RDX: variants seen among roughly 807,000 people sequenced by gnomAD.
RDX encodes deafness, autosomal recessive 24.
Under a neutral mutation model 83.7 loss-of-function variants are expected in RDX, and 32 were observed. The observed-to-expected ratio is 0.38, with a 90% CI of 0.29 to 0.51. The LOEUF (loss-of-function observed/expected upper bound fraction) is 0.51. Ranked by LOEUF, RDX falls within the 20% of genes least tolerant of loss-of-function variation. The probability of loss-of-function intolerance (pLI) is 0.87; values close to 1 mark genes in which losing one functional copy is unlikely to be tolerated. For missense variants in RDX, 600 were observed against 689.9 expected, an observed-to-expected ratio of 0.87 and a Z score of 1.46; for synonymous variants, 229 against 222.7, an observed-to-expected ratio of 1.03 and a Z score of -0.25.
At chr11:110,203,152 T>C (rs1863475945) in intron 14 of RDX, among the ~76,000 whole-genome samples, 1 of 152,186 alleles carries the variant, frequency 6.6e-6, no homozygotes, top group African/African-American at 2.4e-5. Context: ...ATGTGGTACT[T>C]GCATACAATG....
intron 14 of RDX, among the ~76,000 whole-genome samples, chr11:110,204,226 G>C (rs1863519837): frequency 6.6e-6 from 1 of 150,424 alleles, no homozygotes; most frequent in Non-Finnish European, 1.5e-5. Flanking sequence ...ATTAGAAACG[G>C]TGAGAATGAA....
chr11:110,279,517 C>T (rs1213997494), intron 2 of RDX, among the ~76,000 whole-genome samples, 164 bp downstream of exon 2: 2 of 152,202 alleles, frequency 1.3e-5, no homozygotes, highest in East Asian at 3.8e-4. Flanking sequence ...CAGAGCAACA[C>T]TGTGTTTCTA....
intron 5 of RDX, among the ~76,000 whole-genome samples, chr11:110,258,576 A>T (rs745971496): frequency 2.0e-5 from 3 of 152,180 alleles, no homozygotes; most frequent in Admixed American, 2.0e-4. Context: ...CTTGCTCCAT[A>T]AAGTGATTAC....
At chr11:110,296,081 G>A (rs914615043) in intron 1 of RDX, among the ~76,000 whole-genome samples, 12 of 152,230 alleles carry the variant, frequency 7.9e-5, no homozygotes, top group Non-Finnish European at 1.8e-4. Flanking sequence ...GCCCGGGCCC[G>A]GGGCCCAGTC....
intron 12 of RDX, 32 bp from the exon 13 acceptor site, chr11:110,233,511 T>C: frequency 6.2e-7 from 1 of 1,611,810 alleles, no homozygotes. Context: ...ATGAGCAACT[T>C]ACTTCAAAAA....
chr11:110,224,387 A>G (rs1387433105), intron 14 of RDX, among the ~76,000 whole-genome samples: 1 of 152,232 alleles, frequency 6.6e-6, no homozygotes, highest in African/African-American at 2.4e-5. Flanking sequence ...TCAAACATAC[A>G]CAGATATTAA....
intron 11 of RDX, among the ~76,000 whole-genome samples, chr11:110,236,876 T>G (rs1864874247): frequency 6.6e-6 from 1 of 152,112 alleles, no homozygotes; most frequent in South Asian, 2.1e-4. Context: ...TGCCTCGGCC[T>G]CCCAAAATGC....
chr11:110,243,257 A>G (rs764155880), intron 10 of RDX, among the ~76,000 whole-genome samples: 1 of 152,226 alleles, frequency 6.6e-6, no homozygotes, highest in Non-Finnish European at 1.5e-5. Flanking sequence ...CCTGAAATCT[A>G]AAACACTGTG....
chr11:110,214,942 GTAAC>G (rs753399229), intron 14 of RDX, among the ~76,000 whole-genome samples: 13 of 145,338 alleles, frequency 8.9e-5, no homozygotes, highest in Admixed American at 2.1e-4. Flanking sequence ...GTATACATAT[GTAAC>G]TAACCTGCAC....
intron 1 of RDX, among the ~76,000 whole-genome samples, chr11:110,294,762 C>A (rs1202022079): frequency 6.6e-6 from 1 of 151,932 alleles, no homozygotes; most frequent in Non-Finnish European, 1.5e-5. Context: ...ATTTTCCCTA[C>A]ACCCAAATTA....
chr11:110,256,667 G>A (rs1565318169), intron 7 of RDX, among the ~76,000 whole-genome samples: 1 of 152,154 alleles, frequency 6.6e-6, no homozygotes, highest in African/African-American at 2.4e-5. Context: ...TAGAGGCCAG[G>A]AGTTCAAGAC....
intron 12 of RDX, among the ~76,000 whole-genome samples, chr11:110,234,109 G>C (rs1299642724): frequency 6.6e-6 from 1 of 152,102 alleles, no homozygotes; most frequent in African/African-American, 2.4e-5. Flanking sequence ...AAGTACTCCA[G>C]TTTAGATGTT....
At chr11:110,221,648 A>C (rs899463900) in intron 14 of RDX, among the ~76,000 whole-genome samples, 10 of 149,924 alleles carry the variant, frequency 6.7e-5, no homozygotes, top group East Asian at 2.0e-4. Flanking sequence ...ACACACACGA[A>C]GATCAAAGTT....
intron 14 of RDX, among the ~76,000 whole-genome samples, chr11:110,222,977 G>C (rs138299328): frequency 4.1e-4 from 63 of 152,262 alleles, no homozygotes; most frequent in African/African-American, 1.5e-3. Flanking sequence ...AAATATTAAT[G>C]GGATTAAAAA....
intron 2 of RDX, among the ~76,000 whole-genome samples, chr11:110,275,415 A>T (rs1860472581): frequency 6.6e-6 from 1 of 152,194 alleles, no homozygotes; most frequent in Admixed American, 6.5e-5. Context: ...ACATCATCCC[A>T]GATTTCTAAC....
chr11:110,239,113 T>C (rs1864979414), intron 10 of RDX, among the ~76,000 whole-genome samples: 1 of 151,780 alleles, frequency 6.6e-6, no homozygotes, highest in Non-Finnish European at 1.5e-5. Context: ...ACATCATCTC[T>C]TCTTAAAAAC....
chr11:110,231,872 C>T lies in RDX; in HGVS notation c.1749G>A (p.Met583Ile). 6.2e-7 allele frequency: 1 copy of T among 1,612,460 alleles called. No individual in the cohort carries two copies. The highest frequency in any genetic ancestry group is 1.1e-5 in the South Asian group (1 of 91,004). Residue 583 changes from methionine (M) to isoleucine (I), a missense_variant, in exon 14 of 14, where the codon ATG (methionine) becomes ATA (isoleucine). Met to Ile is a conservative substitution (Grantham distance 10, BLOSUM62 1). Coordinates refer to ENST00000645495, the MANE Select transcript of RDX (RefSeq NM_002906.4). The stretch of plus-strand genomic sequence containing the variant: ...CATATATGCAAAATAACAGCTCTCA[C>T]ATTGCTTCAAACTCATCGATACGCT... The part of the protein sequence containing the change: ...TKQRIDEFEA[M>I]
chr11:110,251,212 A>G (rs777008098), intron 9 of RDX, among the ~76,000 whole-genome samples: 1 of 152,252 alleles, frequency 6.6e-6, no homozygotes, highest in Non-Finnish European at 1.5e-5. Context: ...TTTCAAGGAC[A>G]TAAATCACAT....
chr11:110,207,149 T>C (rs186136330), intron 14 of RDX, among the ~76,000 whole-genome samples: 1 of 152,218 alleles, frequency 6.6e-6, no homozygotes, highest in East Asian at 1.9e-4. Context: ...AAGTTTTGTA[T>C]TTTTGGTAGA....
Sources: gnomAD v4.1 joint callset for allele counts (sites outside exome capture counted in the v4.1 genomes callset) on GRCh38, gnomAD v4.1.1 for gene constraint, MANE v1.5 for transcripts, NCBI Gene and HGNC (gene_info 2026-07-23, HGNC 2026-07-21) for gene names.